PRKCG: variants seen among roughly 807,000 people sequenced by gnomAD.
The protein encoded by PRKCG is protein kinase C gamma type.
In PRKCG, 28 loss-of-function variants were observed where a neutral mutation model predicts 82.0. The ratio of observed to expected loss-of-function variants is 0.34; its 90% CI spans 0.25 to 0.47. The LOEUF (loss-of-function observed/expected upper bound fraction) is 0.47. Ranked by LOEUF, PRKCG falls within the 20% of genes least tolerant of loss-of-function variation. The pLI is 1.00. For synonymous variants in PRKCG, 383 were observed against 376.6 expected (o/e 1.02, Z -0.20); for missense variants, 640 against 952.7 (o/e 0.67, Z 4.32).
In PRKCG at chr19:53,883,101, C is replaced by A; in HGVS notation, c.171-62C>A. ...CAGAGAGCGCAGGCCCCCTGTGGCT[C>A]GCAGAGGTTGGGGGTCCAGGTACCC... is the stretch of plus-strand genomic sequence containing the variant. On this transcript the variant is annotated intron_variant, in intron 1 of 17. Coordinates refer to ENST00000263431, the MANE Select transcript of PRKCG (RefSeq NM_002739.5). This position sits in a 1 kb window ranked among gnomAD's most constrained non-coding sequence, Gnocchi z 5.4. 1 of 1,599,172 alleles carries A rather than the reference C, an allele frequency of 6.3e-7. No homozygotes were observed. Among genetic ancestry groups the A allele is most frequent in the Admixed American group, 1.7e-5 (1 of 59,992 alleles).
intron 14 of PRKCG, among the ~76,000 whole-genome samples, 169 bp from the exon 15 acceptor site, chr19:53,902,904 A>AAAAAAAAAAC (rs2068774944): frequency 6.6e-6 from 1 of 151,218 alleles, no homozygotes; most frequent in African/African-American, 2.4e-5. Context: ...AAAAAAAAAA[A>AAAAAAAAAAC]AAAAAAAAAA....
Position 53,903,168 on chromosome 19 carries a change from G to T in PRKCG, c.1656+15G>T, listed in dbSNP as rs758412114. On this transcript the variant is annotated intron_variant, in intron 15 of 17. Transcript: ENST00000263431. The stretch of plus-strand genomic sequence containing the variant: ...TGGCAGGACAGGTAAGGGAAGGTGG[G>T]GAGAAGCTGGCTTGGCTAAAAGAGA... 6.2e-7 allele frequency: 1 copy of T among 1,608,404 alleles called. No individual in the cohort carries two copies. The highest frequency in any genetic ancestry group is 1.1e-5 in the South Asian group (1 of 90,974).
Position 53,892,764 on chromosome 19 carries a change from ACACACACACACACACACGCACACACACG to A in PRKCG, c.821+129_821+156del. 8.4e-7 allele frequency: 1 copy of A among 1,187,184 alleles called. No homozygotes were observed. Among genetic ancestry groups the A allele is most frequent in the African/African-American group, 1.6e-5 (1 of 63,978 alleles). The allele number at this position is 1,187,184 out of a possible 1,614,324, so 73.5% of individuals were successfully genotyped here. On this transcript the variant is annotated intron_variant, in intron 7 of 17. Transcript: ENST00000263431. This position sits in a 1 kb window ranked among gnomAD's most constrained non-coding sequence, Gnocchi z 5.9. ...CCTCCCAGCATGCGCACACACACAC[ACACACACACACACACACGCACACACACG>A]CACACACCCCTCTCTCTCTATTCTT...
chr19:53,895,452 C>A lies in PRKCG; in HGVS notation c.939+2061C>A, dbSNP rs546257819. Among the ~76,000 whole-genome samples, 13 of 143,414 alleles carry A rather than the reference C, an allele frequency of 9.1e-5. No individual in the cohort carries two copies. The East Asian group carries it at 2.7e-3, about 30-fold the overall frequency. 94.1% of individuals were successfully genotyped at this position (143,414 alleles called of 152,430 possible). On this transcript the variant is annotated intron_variant, in intron 9 of 17. Coordinates refer to ENST00000263431, the MANE Select transcript of PRKCG (RefSeq NM_002739.5). ...GCAGTGAGCCCAGATCGCTCCACTG[C>A]ACTCCAGCCTGGATGACAGAGGGAG...
Position 53,884,350 on chromosome 19 carries a change from G to T in PRKCG, c.285+107G>T. ...CTATTTTTATGGCTGGGAGGGGAGG[G>T]GGGCTGGAGAGATAGGGGGAGCTAT... On this transcript the variant is annotated intron_variant, in intron 3 of 17. Transcript: ENST00000263431. This position sits in a 1 kb window ranked among gnomAD's most constrained non-coding sequence, Gnocchi z 4.6. 9.0e-7 allele frequency: 1 copy of T among 1,116,966 alleles called. No homozygotes were observed. Among genetic ancestry groups the T allele is most frequent in the East Asian group, 2.4e-5 (1 of 41,950 alleles). 69.2% of individuals were successfully genotyped at this position (1,116,966 alleles called of 1,614,324 possible).
At position 53,883,085 on chromosome 19, in the gene PRKCG, C is replaced by T. The variant is rs1297507722; in HGVS notation, c.171-78C>T. 1.5e-5 allele frequency: 24 copies of T among 1,564,574 alleles called. No homozygotes were observed. Among genetic ancestry groups the T allele is most frequent in the Non-Finnish European group, 1.9e-5 (22 of 1,135,546 alleles). ...CCTGCGGGAGGAGGGTCAGAGAGCG[C>T]AGGCCCCCTGTGGCTCGCAGAGGTT... On this transcript the variant is annotated intron_variant, in intron 1 of 17. Coordinates refer to ENST00000263431, the MANE Select transcript of PRKCG (RefSeq NM_002739.5). The surrounding 1 kb of genome is among the most constrained non-coding windows in gnomAD (Gnocchi z 5.4).
In PRKCG at chr19:53,898,598, C is replaced by T; in HGVS notation, c.1251C>T (p.Leu417=). The T allele has an allele frequency of 1.3e-6, 2 of 1,595,614 alleles. No individual in the cohort carries two copies. Among genetic ancestry groups the T allele is most frequent in the Non-Finnish European group, 1.7e-6 (2 of 1,172,150 alleles). ...GTCCTGGCGGCCGGCCCCACTTCCT[C>T]ACCCAGCTCCACTCCACCTTCCAGA... ...GRGPGGRPHF[L]TQLHSTFQTP... Residue 417 remains leucine, a synonymous_variant, in exon 11 of 18, where the codon CTC becomes CTT. Transcript: ENST00000263431.
At chr19:53,898,789 GGGTCCTT>G (rs2068738253) in intron 11 of PRKCG, among the ~76,000 whole-genome samples, 161 bp downstream of exon 11, 3 of 113,626 alleles carry the variant, frequency 2.6e-5, no homozygotes, top group East Asian at 3.2e-4. Flanking sequence ...GGCCGGGGGG[GGGTCCTT>G]GGGGGGCGTG....
chr19:53,897,936 C>T (rs746982775), intron 9 of PRKCG, 23 bp from the exon 10 acceptor site: 24 of 1,613,924 alleles, frequency 1.5e-5, no homozygotes, highest in Non-Finnish European at 2.0e-5. Flanking sequence ...CTGCCTCTGG[C>T]TCTTTCTTTC....
Position 53,889,805 on chromosome 19 carries a change from G to A in PRKCG, c.397+56G>A, listed in dbSNP as rs2068658278. ...CCAAAGCGCCCGGTCTGGGTTCCGG[G>A]AAATGCCCGGGATGGGGTGGGGGGT... On this transcript the variant is annotated intron_variant, in intron 4 of 17. Transcript: ENST00000263431. This position sits in a 1 kb window ranked among gnomAD's most constrained non-coding sequence, Gnocchi z 4.4. 1 of 1,588,028 alleles carries A rather than the reference G, an allele frequency of 6.3e-7. No individual in the cohort carries two copies. Among genetic ancestry groups the A allele is most frequent in the Non-Finnish European group, 8.6e-7 (1 of 1,167,058 alleles).
chr19:53,892,336 C>T lies in PRKCG; in HGVS notation c.687-173C>T, dbSNP rs553140327. ...AGCTCTCTAGGTTTACTTCAGGCCC[C>T]AAAGCCCTAGCTGGAGAGAGAGCCC... On this transcript the variant is annotated intron_variant, in intron 6 of 17. Transcript: ENST00000263431. This position sits in a 1 kb window ranked among gnomAD's most constrained non-coding sequence, Gnocchi z 5.9. 7.2e-5 allele frequency among the ~76,000 whole-genome samples: 11 copies of T among 152,278 alleles called. No homozygotes were observed. In the South Asian group the frequency reaches 2.3e-3, roughly 32 times the overall value.
chr19:53,900,316 C>T lies in PRKCG; in HGVS notation c.1365C>T (p.Pro455=). ...AACAGCTGGGCAAGTTTAAGGAGCC[C>T]CATGCAGCGTGAGTCTCGGCCAACA... ...HIQQLGKFKE[P]HAAFYAAEIA... Residue 455 remains proline (P), a synonymous_variant, in exon 12 of 18, where the codon CCC becomes CCT. Transcript: ENST00000263431. This position sits in a 1 kb window ranked among gnomAD's most constrained non-coding sequence, Gnocchi z 4.2. 6.2e-7 allele frequency: 1 copy of T among 1,614,060 alleles called. No individual in the cohort carries two copies. Among genetic ancestry groups the T allele is most frequent in the Non-Finnish European group, 8.5e-7 (1 of 1,179,990 alleles).
intron 9 of PRKCG, 91 bp downstream of exon 9, chr19:53,893,482 C>T (rs764467897): frequency 7.4e-7 from 1 of 1,357,610 alleles, no homozygotes; most frequent in Non-Finnish European, 1.1e-6. Context: ...CAATTCCCCA[C>T]ACATGAGTTG....
chr19:53,898,289 G>T, intron 10 of PRKCG, 151 bp from the exon 11 acceptor site: 3 of 1,319,964 alleles, frequency 2.3e-6, no homozygotes, highest in Non-Finnish European at 3.2e-6. Context: ...CACTCTCCTT[G>T]AGGGGACGGG....
chr19:53,893,313 G>C, intron 8 of PRKCG, 49 bp from the exon 9 acceptor site: 1 of 1,580,216 alleles, frequency 6.3e-7, no homozygotes, highest in South Asian at 1.1e-5. Context: ...GTTCTAGGGC[G>C]ATCCCCTGCA....
At chr19:53,906,294 GTC>G (rs1485583659) in intron 16 of PRKCG, 21 bp from the exon 17 acceptor site, 8 of 1,550,956 alleles carry the variant, frequency 5.2e-6, no homozygotes, top group Admixed American at 2.0e-5. Flanking sequence ...TTGTCTGTCT[GTC>G]TCTCTCTGTG....
At position 53,890,716 on chromosome 19, in the gene PRKCG, G is replaced by A. The variant is rs2068668602; in HGVS notation, c.529+699G>A. Among the ~76,000 whole-genome samples the A allele has an allele frequency of 1.3e-5, 2 of 150,982 alleles. 1 individual carries two copies. The highest frequency in any genetic ancestry group is 1.3e-4 in the Admixed American group (2 of 15,132). On this transcript the variant is annotated intron_variant, in intron 5 of 17. Transcript: ENST00000263431. ...CCTGCCTCAGCCTCCCGAGTAGCTGGAATTACAGGCGCCTGCCACCACATC... is the reference window on the plus strand; with the variant it reads ...CCTGCCTCAGCCTCCCGAGTAGCTGAAATTACAGGCGCCTGCCACCACATC...
rs1419736241 is a variant in PRKCG at position 53,904,689 on chromosome 19, A to G, written c.1711A>G (p.Thr571Ala). 6.2e-7 allele frequency: 1 copy of G among 1,613,702 alleles called. No homozygotes were observed. The change falls in exon 16 of 18, where the codon ACT becomes GCT. Residue 571 changes from threonine (T) to alanine (A), a missense_variant. Coordinates refer to ENST00000263431, the MANE Select transcript of PRKCG (RefSeq NM_002739.5). ...GCTGTTTCAGGCCATCATGGAACAA[A>G]CTGTCACCTACCCCAAGTCGCTTTC... ...EELFQAIMEQ[T>A]VTYPKSLSRE...
At chr19:53,905,430 C>T (rs2068795037) in intron 16 of PRKCG, among the ~76,000 whole-genome samples, 1 of 151,480 alleles carries the variant, frequency 6.6e-6, no homozygotes, top group Non-Finnish European at 1.5e-5. Flanking sequence ...TTTCTGTCCT[C>T]CCTTTTCTCT....
Sources: gnomAD v4.1 joint callset for allele counts (sites outside exome capture counted in the v4.1 genomes callset) on GRCh38, gnomAD v4.1.1 for gene constraint, Gnocchi (gnomAD v3.1) non-coding constraint, MANE v1.5 for transcripts, NCBI Gene and HGNC (gene_info 2026-07-23, HGNC 2026-07-21) for gene names.